The following ZFP28 variants were observed in gnomAD, a reference collection of about 807,000 sequenced individuals.
ZFP28 encodes zinc finger protein 28 homolog.
Under a neutral mutation model 39.5 loss-of-function variants are expected in ZFP28, and 31 were observed. The ratio of observed to expected loss-of-function variants is 0.79; its 90% CI spans 0.59 to 1.06. The LOEUF (loss-of-function observed/expected upper bound fraction) is 1.06. ZFP28 is among the 50% of genes least tolerant of loss of function. The pLI is 0.00. For synonymous variants in ZFP28, 400 were observed against 378.6 expected (o/e 1.06, Z -0.66); for missense variants, 925 against 1,048.4 (o/e 0.88, Z 1.63).
At chr19:56,546,516 T>G (rs2044242793) in intron 2 of ZFP28, 1 of 152,188 alleles carries the variant, frequency 6.6e-6, no homozygotes, top group South Asian at 2.1e-4. Context: ...ATGCCTAGCT[T>G]CTCCAAGATG....
chr19:56,543,355 T>A (rs1158403795), intron 2 of ZFP28, among the ~76,000 whole-genome samples: 7 of 145,330 alleles, frequency 4.8e-5, no homozygotes, highest in African/African-American at 7.6e-5. Flanking sequence ...TATGTATATT[T>A]TATATATATA....
chr19:56,555,262 C>T lies in ZFP28; in HGVS notation c.2477C>T (p.Ala826Val), dbSNP rs1490279651. 6.2e-7 allele frequency: 1 copy of T among 1,614,066 alleles called. No homozygotes were observed. The highest frequency in any genetic ancestry group is 8.5e-7 in the Non-Finnish European group (1 of 1,180,044). The change falls in exon 8 of 8, where the codon GCT becomes GTT. Residue 826 changes from alanine to valine, a missense_variant. Ala to Val is a moderately conservative substitution (Grantham distance 64, BLOSUM62 0). Transcript: ENST00000301318. ...AGCAGAAAAGTCTTCAGGCAAACTG[C>T]TCACTTAGCTCATCATCAGCGAATT... Reference protein sequence around the residue: ...KKSRKVFRQTAHLAHHQRIHT... With the variant: ...KKSRKVFRQTVHLAHHQRIHT...
intron 2 of ZFP28, among the ~76,000 whole-genome samples, chr19:56,542,665 T>C (rs1375721135): frequency 6.6e-6 from 1 of 152,256 alleles, no homozygotes; most frequent in Non-Finnish European, 1.5e-5. Context: ...TGTTTGAATA[T>C]AGTCTTAAAG....
intron 7 of ZFP28, chr19:56,551,745 AAAG>A: frequency 2.0e-6 from 2 of 984,262 alleles, no homozygotes; most frequent in African/African-American, 1.7e-5. Flanking sequence ...TTTTTTTATG[AAAG>A]AAGTTGAACA....
At position 56,556,313 on chromosome 19, in the gene ZFP28, T is replaced by C. The variant is rs914367151; in HGVS notation, c.*921T>C. 2 of 152,240 alleles carry C rather than the reference T, an allele frequency of 1.3e-5. No individual in the cohort carries two copies. The highest frequency in any genetic ancestry group is 2.4e-5 in the African/African-American group (1 of 41,460). 9.4% of individuals were successfully genotyped at this position (152,240 alleles called of 1,614,324 possible). The stretch of plus-strand genomic sequence containing the variant: ...TGATTTACACCTTGATTGTGCTGCT[T>C]CCAGGCTGTAGCAGCAGAGTTGAGC... On this transcript the variant is annotated 3_prime_UTR_variant, in exon 8 of 8. Transcript: ENST00000301318.
intron 7 of ZFP28, 139 bp from the exon 8 acceptor site, chr19:56,553,545 A>G: frequency 5.1e-6 from 6 of 1,176,944 alleles, no homozygotes; most frequent in Non-Finnish European, 5.8e-6. Flanking sequence ...CTGGCCCTAA[A>G]TGTAATAGTT....
chr19:56,556,125 A>G lies in ZFP28; in HGVS notation c.*733A>G, dbSNP rs1326479454. On this transcript the variant is annotated 3_prime_UTR_variant, in exon 8 of 8. Coordinates refer to ENST00000301318, the MANE Select transcript of ZFP28 (RefSeq NM_020828.2). ...AATAGGGGTCAGCAAACTATGACTC[A>G]TGGCCACAGTCTCACTGACTGTTTT... 4.6e-5 allele frequency: 7 copies of G among 152,376 alleles called. No individual in the cohort carries two copies. In the East Asian group the frequency reaches 1.2e-3, roughly 25 times the overall value. The allele number at this position is 152,376 out of a possible 1,614,324, so 9.4% of individuals were successfully genotyped here. A position where few individuals can be genotyped will look rare whatever the true frequency, so the allele number is the denominator to read the frequency against.
intron 2 of ZFP28, among the ~76,000 whole-genome samples, chr19:56,543,331 T>G (rs1445688368): frequency 6.8e-6 from 1 of 147,554 alleles, no homozygotes; most frequent in Non-Finnish European, 1.5e-5. Flanking sequence ...ATATATTATA[T>G]AGAATATATT....
intron 7 of ZFP28, chr19:56,551,283 A>G: frequency 2.0e-6 from 2 of 987,128 alleles, no homozygotes; most frequent in Non-Finnish European, 2.4e-6. Context: ...TTTCCATAGA[A>G]AATAATGGTT....
At chr19:56,546,250 T>C (rs2044240579) in intron 2 of ZFP28, 1 of 152,202 alleles carries the variant, frequency 6.6e-6, no homozygotes, top group South Asian at 2.1e-4. Context: ...TTCATTTCAG[T>C]TTAGACTTTG....
At position 56,554,809 on chromosome 19, in the gene ZFP28, G is replaced by A; in HGVS notation, c.2024G>A (p.Cys675Tyr). The A allele has an allele frequency of 6.2e-7, 1 of 1,614,174 alleles. No homozygotes were observed. The highest frequency in any genetic ancestry group is 8.5e-7 in the Non-Finnish European group (1 of 1,180,028). ...KTHTGEKPYE[C>Y]KECGKAFSQT... ...CATACAGGAGAGAAACCATATGAGT[G>A]CAAGGAATGCGGTAAAGCCTTCAGC... Residue 675 changes from cysteine (C) to tyrosine (Y), a missense_variant, in exon 8 of 8, where the codon TGC becomes TAC. Physicochemically the swap from Cys to Tyr is radical, Grantham distance 194 (BLOSUM62 -2). This residue lies in a region of ZFP28 where 369 missense variants were observed against 505.5 expected (regional missense o/e 0.73). Coordinates refer to ENST00000301318, the MANE Select transcript of ZFP28 (RefSeq NM_020828.2). This position sits in a 1 kb window ranked among gnomAD's most constrained non-coding sequence, Gnocchi z 6.7.
Position 56,555,372 on chromosome 19 carries a change from T to C in ZFP28, c.2587T>C (p.Ser863Pro), listed in dbSNP as rs1358546340. Residue 863 changes from serine to proline, a missense_variant, in exon 8 of 8, where the codon TCC becomes CCC. Physicochemically the swap from Ser to Pro is moderately conservative, Grantham distance 74 (BLOSUM62 -1). This residue lies in a region of ZFP28 where 369 missense variants were observed against 505.5 expected (regional missense o/e 0.73). Transcript: ENST00000301318. ...GTTTCCCAAATTTCTCTGGAATCCA[T>C]CCTCCCTCCCATCACCATAGCCTCG... ...DLFPKFLWNP[S>P]SLPSP 1 of 1,611,824 alleles carries C rather than the reference T, an allele frequency of 6.2e-7. No individual in the cohort carries two copies. Among genetic ancestry groups the C allele is most frequent in the African/African-American group, 1.3e-5 (1 of 74,864 alleles).
At chr19:56,540,609 A>G (rs2044187584) in intron 2 of ZFP28, among the ~76,000 whole-genome samples, 1 of 152,170 alleles carries the variant, frequency 6.6e-6, no homozygotes, top group East Asian at 1.9e-4. Flanking sequence ...TATCATTGGT[A>G]TTTGAAATAG....
intron 2 of ZFP28, among the ~76,000 whole-genome samples, chr19:56,540,103 G>C (rs2044182685): frequency 6.6e-6 from 1 of 152,240 alleles, no homozygotes; most frequent in Non-Finnish European, 1.5e-5. Context: ...CCTAGTCCCT[G>C]CTCTGGAGCT....
chr19:56,555,136 C>T lies in ZFP28; in HGVS notation c.2351C>T (p.Pro784Leu), dbSNP rs1293639076. Residue 784 changes from proline (P) to leucine (L), a missense_variant, in exon 8 of 8, where the codon CCA becomes CTA. Around this residue, in one of 2 missense-constraint regions of ZFP28, gnomAD observed 369 missense variants for 505.5 expected, o/e 0.73. Coordinates refer to ENST00000301318, the MANE Select transcript of ZFP28 (RefSeq NM_020828.2). ...CAGAGAATCCATTCTGGAAAGAAACCATATGAATGTAAGGAATGTAGGAAA... is the reference window on the plus strand; with the variant it reads ...CAGAGAATCCATTCTGGAAAGAAACTATATGAATGTAAGGAATGTAGGAAA... Reference protein sequence around the residue: ...VHQRIHSGKKPYECKECRKTF... With the variant: ...VHQRIHSGKKLYECKECRKTF... The T allele has an allele frequency of 1.2e-6, 2 of 1,614,136 alleles. No homozygotes were observed.
intron 5 of ZFP28, 77 bp from the exon 6 acceptor site, chr19:56,549,990 G>A: frequency 8.2e-7 from 1 of 1,222,460 alleles, no homozygotes. Context: ...TTGCAGTGTG[G>A]ACACAGTCCA....
chr19:56,550,378 T>C (rs2044287895), intron 6 of ZFP28, 132 bp from the exon 7 acceptor site: 2 of 896,288 alleles, frequency 2.2e-6, no homozygotes, highest in African/African-American at 3.3e-5. Flanking sequence ...TATCTTCTTG[T>C]GTCTTTCAGA....
At position 56,556,021 on chromosome 19, in the gene ZFP28, CT is replaced by C. The variant is rs2044347716; in HGVS notation, c.*631del. On this transcript the variant is annotated 3_prime_UTR_variant, in exon 8 of 8. Transcript: ENST00000301318. Reference sequence around the variant, plus strand: ...AATTAGAAAACTTTGCAAGATTTGACTTGTTTAAAAATCACATTTATAAGTG... The same window carrying C: ...AATTAGAAAACTTTGCAAGATTTGACTGTTTAAAAATCACATTTATAAGTG... 1 of 152,170 alleles carries C rather than the reference CT, an allele frequency of 6.6e-6. No individual in the cohort carries two copies. The highest frequency in any genetic ancestry group is 6.5e-5 in the Admixed American group (1 of 15,270). 9.4% of individuals were successfully genotyped at this position (152,170 alleles called of 1,614,324 possible). A position where few individuals can be genotyped will look rare whatever the true frequency, so the allele number is the denominator to read the frequency against.
chr19:56,550,973 A>C, intron 7 of ZFP28: 1 of 1,361,914 alleles, frequency 7.3e-7, no homozygotes, highest in South Asian at 1.7e-5. Flanking sequence ...GAGAACCACA[A>C]ATTGAAAGTT....
Sources: allele counts gnomAD v4.1 joint callset (sites outside exome capture counted in the v4.1 genomes callset), GRCh38; gene constraint gnomAD v4.1.1; regional missense constraint gnomAD v4.1.1; non-coding constraint Gnocchi (gnomAD v3.1); transcripts MANE v1.5; gene names NCBI Gene and HGNC (gene_info 2026-07-23, HGNC 2026-07-21).